TAF1B: variants seen among roughly 807,000 people sequenced by gnomAD.
TAF1B encodes TATA box-binding protein-associated factor RNA polymerase I subunit B.
TAF1B carries 61 observed loss-of-function variants against 83.9 expected under a neutral mutation model. That is an observed-to-expected ratio of 0.73 (90% confidence interval 0.59 to 0.90). The LOEUF (loss-of-function observed/expected upper bound fraction) is 0.90. TAF1B is among the 40% of genes least tolerant of loss of function. The probability of loss-of-function intolerance (pLI) is 0.00; values close to 1 mark genes in which losing one functional copy is unlikely to be tolerated. For missense variants in TAF1B, 625 were observed against 677.0 expected (o/e 0.92, Z 0.85); for synonymous variants, 221 against 224.6 (o/e 0.98, Z 0.14).
chr2:9,904,757 T>C, intron 8 of TAF1B, 102 bp from the exon 9 acceptor site: 2 of 1,175,970 alleles, frequency 1.7e-6, no homozygotes, highest in Non-Finnish European at 2.4e-6. Context: ...GCATCTGTTA[T>C]TTTTTTACTT....
intron 6 of TAF1B, among the ~76,000 whole-genome samples, chr2:9,870,862 G>C (rs1431534178): frequency 6.6e-6 from 1 of 152,138 alleles, no homozygotes; most frequent in South Asian, 2.1e-4. Flanking sequence ...TTTTCTTGGA[G>C]TTGATAATTG....
At chr2:9,861,446 G>T (rs972900171) in intron 5 of TAF1B, among the ~76,000 whole-genome samples, 2 of 152,248 alleles carry the variant, frequency 1.3e-5, no homozygotes, top group African/African-American at 4.8e-5. Flanking sequence ...CAAAGCTGCT[G>T]GGAAGCTCGA....
intron 5 of TAF1B, among the ~76,000 whole-genome samples, chr2:9,868,050 G>C (rs1337311297): frequency 6.6e-6 from 1 of 152,208 alleles, no homozygotes; most frequent in Non-Finnish European, 1.5e-5. Context: ...TGATGGCAGG[G>C]CTGGCAGCCG....
chr2:9,845,236 G>T lies in TAF1B; in HGVS notation c.35G>T (p.Arg12Leu). 1 of 1,613,780 alleles carries T rather than the reference G, an allele frequency of 6.2e-7. No individual in the cohort carries two copies. Among genetic ancestry groups the T allele is most frequent in the South Asian group, 1.1e-5 (1 of 91,072 alleles). ...DLEEAEEFKE[R>L]CTQCAAVSWG... ...CTCCCATAGGAAGAGTTTAAAGAACGCTGTACTCAGTGTGCTGCTGTCTCA... is the reference window on the plus strand; with the variant it reads ...CTCCCATAGGAAGAGTTTAAAGAACTCTGTACTCAGTGTGCTGCTGTCTCA... The change falls in exon 2 of 15, where the codon CGC becomes CTC. Residue 12 changes from arginine to leucine, a missense_variant. Arg to Leu is a moderately radical substitution (Grantham distance 102). Transcript: ENST00000263663.
intron 1 of TAF1B, 149 bp downstream of exon 1, chr2:9,843,708 A>T: frequency 1.1e-6 from 1 of 908,904 alleles, no homozygotes; most frequent in Non-Finnish European, 1.6e-6. Context: ...CGGGCTAAGG[A>T]CTGGGGCTGG....
intron 4 of TAF1B, among the ~76,000 whole-genome samples, chr2:9,852,522 C>T (rs576226499): frequency 9.9e-5 from 15 of 152,054 alleles, no homozygotes; most frequent in East Asian, 9.7e-4. Context: ...GACGGAGTCT[C>T]GCTCTGTTGC....
intron 14 of TAF1B, among the ~76,000 whole-genome samples, chr2:9,928,163 C>T: frequency 6.6e-6 from 1 of 152,150 alleles, no homozygotes; most frequent in Non-Finnish European, 1.5e-5. Flanking sequence ...TGTCAAAGAT[C>T]AGATGGTTGT....
chr2:9,843,581 C>T (rs1185308420), intron 1 of TAF1B, 22 bp downstream of exon 1: 1 of 1,506,768 alleles, frequency 6.6e-7, no homozygotes, highest in Non-Finnish European at 8.9e-7. Flanking sequence ...GTGCACCTGG[C>T]GGGCCACGAT....
chr2:9,887,558 T>TTA (rs397712777), intron 8 of TAF1B, among the ~76,000 whole-genome samples: 5 of 152,102 alleles, frequency 3.3e-5, no homozygotes, highest in Admixed American at 1.3e-4. Context: ...AAGTTTTTTT[T>TTA]ATTGATGTTT....
At chr2:9,848,634 C>T (rs903505814) in intron 2 of TAF1B, among the ~76,000 whole-genome samples, 2 of 151,296 alleles carry the variant, frequency 1.3e-5, no homozygotes, top group Admixed American at 1.3e-4. Context: ...CCATTGCACT[C>T]CAGCCTGGGC....
intron 5 of TAF1B, among the ~76,000 whole-genome samples, chr2:9,864,597 G>A (rs1572226438): frequency 6.6e-6 from 1 of 152,166 alleles, no homozygotes; most frequent in Non-Finnish European, 1.5e-5. Flanking sequence ...TATGAGGCCA[G>A]CATCATCCTG....
At chr2:9,924,321 C>A (rs4669496) in intron 14 of TAF1B, among the ~76,000 whole-genome samples, 29,447 of 152,096 alleles carry the variant, frequency 0.19, 3,373 homozygotes, top group Non-Finnish European at 0.27. Flanking sequence ...TGCCCTTAGG[C>A]TGAGTTGTCT....
intron 2 of TAF1B, among the ~76,000 whole-genome samples, chr2:9,848,310 A>G (rs1663273090): frequency 6.6e-6 from 1 of 152,172 alleles, no homozygotes; most frequent in Non-Finnish European, 1.5e-5. Flanking sequence ...AAATCTCTAA[A>G]TTTAGAAAAA....
intron 8 of TAF1B, among the ~76,000 whole-genome samples, chr2:9,885,054 G>A (rs1217802200): frequency 6.6e-6 from 1 of 152,322 alleles, no homozygotes; most frequent in East Asian, 1.9e-4. Context: ...GAAGTATAGT[G>A]TAACAAATTC....
At chr2:9,865,444 T>G (rs1384815659) in intron 5 of TAF1B, among the ~76,000 whole-genome samples, 1 of 151,986 alleles carries the variant, frequency 6.6e-6, no homozygotes, top group Non-Finnish European at 1.5e-5. Context: ...TAAAAGAGGA[T>G]ACAAACAAAT....
At chr2:9,885,812 A>G (rs913881822) in intron 8 of TAF1B, among the ~76,000 whole-genome samples, 1 of 149,714 alleles carries the variant, frequency 6.7e-6, no homozygotes, top group Non-Finnish European at 1.5e-5. Flanking sequence ...TACTCAAGTT[A>G]TATTGATAAT....
At chr2:9,917,106 A>C (rs1490248923) in intron 12 of TAF1B, among the ~76,000 whole-genome samples, 1 of 152,104 alleles carries the variant, frequency 6.6e-6, no homozygotes, top group Non-Finnish European at 1.5e-5. Context: ...TCAGCCTCCC[A>C]AAGTGCTGGG....
upstream of TAF1B, chr2:9,843,449 GTTTCCGGCCGGAAGCT>G (rs564020188): frequency 1.9e-3 from 2,517 of 1,327,832 alleles, 3 homozygotes; most frequent in Non-Finnish European, 2.1e-3. Context: ...CGGATCTCGC[GTTTCCGGCCGGAAGCT>G]TCTCCAGCCT....
chr2:9,913,179 A>G lies in TAF1B; in HGVS notation c.1201A>G (p.Arg401Gly). 1.2e-6 allele frequency: 2 copies of G among 1,608,778 alleles called. No individual in the cohort carries two copies. Among genetic ancestry groups the G allele is most frequent in the East Asian group, 2.2e-5 (1 of 44,784 alleles). The change falls in exon 12 of 15, where the codon AGA becomes GGA. Residue 401 changes from arginine to glycine, a missense_variant. Arg to Gly is a moderately radical substitution (Grantham distance 125). Coordinates refer to ENST00000263663, the MANE Select transcript of TAF1B (RefSeq NM_005680.3). ...TTCAGATAAGCCATGGTTTGATTTC[A>G]GAAAGTGGTACCAAATTATGAAGAA... ...NKKDKPWFDF[R>G]KWYQIMKKAF...
Sources: allele counts gnomAD v4.1 joint callset (sites outside exome capture counted in the v4.1 genomes callset), GRCh38; gene constraint gnomAD v4.1.1; transcripts MANE v1.5; gene names NCBI Gene and HGNC (gene_info 2026-07-23, HGNC 2026-07-21).